Variants in ADGRB2 observed in about 807,000 individuals in gnomAD.
The protein encoded by ADGRB2 is brain-specific angiogenesis inhibitor 2.
Under a neutral mutation model 178.7 loss-of-function variants are expected in ADGRB2, and 47 were observed. The ratio of observed to expected loss-of-function variants is 0.26; its 90% confidence interval spans 0.21 to 0.34. The LOEUF is 0.34. Among genes scored for constraint, ADGRB2 ranks in the 10% least tolerant of loss-of-function variants. The probability of loss-of-function intolerance (pLI) is 1.00; values close to 1 mark genes in which losing one functional copy is unlikely to be tolerated. For missense variants in ADGRB2, 1,584 were observed against 2,180.8 expected, an observed-to-expected ratio of 0.73 and a Z score of 5.45; for synonymous variants, 870 against 912.4, an observed-to-expected ratio of 0.95 and a Z score of 0.84.
At position 31,756,216 on chromosome 1, in the gene ADGRB2, C is replaced by T; in HGVS notation, c.621G>A (p.Glu207=). 6.2e-7 allele frequency: 1 copy of T among 1,613,656 alleles called. No individual in the cohort carries two copies. The highest frequency in any genetic ancestry group is 8.5e-7 in the Non-Finnish European group (1 of 1,179,934). The change falls in exon 4 of 33, where the codon GAG becomes GAA. Residue 207 remains glutamate (E), a synonymous_variant. Transcript: ENST00000373658. The surrounding 1 kb of genome is among the most constrained non-coding windows in gnomAD (Gnocchi z 8.5). ...TCGVLCRWSE[E]CGRAAGRACG... ...AGGCCCTGCCGGCAGCGCGGCCACA[C>T]TCCTCACTCCAGCGGCAGAGCACAC...
In ADGRB2 at chr1:31,730,836, G is replaced by A. The variant is rs775240496; in HGVS notation, c.4344C>T (p.Thr1448=). The A allele has an allele frequency of 5.9e-6, 9 of 1,517,114 alleles. No homozygotes were observed. The highest frequency in any genetic ancestry group is 1.3e-5 in the South Asian group (1 of 75,650). The allele number at this position is 1,517,114 out of a possible 1,614,324, so 94.0% of individuals were successfully genotyped here. A position where few individuals can be genotyped will look rare whatever the true frequency, so the allele number is the denominator to read the frequency against. Residue 1448 remains threonine, a synonymous_variant, in exon 29 of 33, where the codon ACC becomes ACT. Coordinates refer to ENST00000373658, the MANE Select transcript of ADGRB2 (RefSeq NM_001364857.2). ...PGERSRTMPR[T]VPGSTMKMGS... ...CCATCTTCATGGTAGAGCCGGGCAC[G>A]GTGCGAGGCATGGTCCGGCTGCGCT...
Position 31,755,813 on chromosome 1 carries a change from G to A in ADGRB2, c.838+186C>T, listed in dbSNP as rs1354607471. ...GTGCCCCCATTCATCTAGCCAGTCTGCAAACTCTTCAAGAGTGAGGTCTCA... is the reference window on the plus strand; with the variant it reads ...GTGCCCCCATTCATCTAGCCAGTCTACAAACTCTTCAAGAGTGAGGTCTCA... On this transcript the variant is annotated intron_variant, in intron 4 of 32. Transcript: ENST00000373658. The surrounding 1 kb of genome is among the most constrained non-coding windows in gnomAD (Gnocchi z 5.1). Among the ~76,000 whole-genome samples the A allele has an allele frequency of 1.3e-5, 2 of 151,998 alleles. No homozygotes were observed. The highest frequency in any genetic ancestry group is 2.9e-5 in the Non-Finnish European group (2 of 67,990).
In ADGRB2 at chr1:31,764,186, G is replaced by T. The variant is rs1389102637; in HGVS notation, c.-493C>A. On this transcript the variant is annotated 5_prime_UTR_variant, in exon 1 of 33. Transcript: ENST00000373658. The surrounding 1 kb of genome is among the most constrained non-coding windows in gnomAD (Gnocchi z 7.3). ...CCCCGCCCCGAGCACCGCCCGCGCC[G>T]CGCGCCGCCTCCTATTTGCGGGCGG... 1.8e-5 allele frequency: 7 copies of T among 387,846 alleles called. No individual in the cohort carries two copies. The South Asian group carries it at 5.2e-4, about 29-fold the overall frequency. The allele number at this position is 387,846 out of a possible 1,614,324, so 24.0% of individuals were successfully genotyped here.
chr1:31,731,466 A>C lies in ADGRB2; in HGVS notation c.3761-47T>G, dbSNP rs766352348. 9.2e-6 allele frequency: 14 copies of C among 1,525,712 alleles called. No individual in the cohort carries two copies. The South Asian group carries it at 1.7e-4, about 18-fold the overall frequency. 94.5% of individuals were successfully genotyped at this position (1,525,712 alleles called of 1,614,324 possible). On this transcript the variant is annotated intron_variant, in intron 28 of 32. Transcript: ENST00000373658. The stretch of plus-strand genomic sequence containing the variant: ...AGGGGGTGAGTCCTGAGGAGAAGGA[A>C]CCTCCAGATGCCATTGCCCAGGCTG...
At position 31,735,841 on chromosome 1, in the gene ADGRB2, C is replaced by T; in HGVS notation, c.3253G>A (p.Ala1085Thr). The change falls in exon 23 of 33, where the codon GCC becomes ACC. Residue 1085 changes from alanine to threonine, a missense_variant. Physicochemically the swap from Ala to Thr is moderately conservative, Grantham distance 58. This residue lies in a region of ADGRB2 where 865 missense variants were observed against 1,192.8 expected (regional missense o/e 0.73). Coordinates refer to ENST00000373658, the MANE Select transcript of ADGRB2 (RefSeq NM_001364857.2). The surrounding 1 kb of genome is among the most constrained non-coding windows in gnomAD (Gnocchi z 6.0). Reference sequence around the variant, plus strand: ...CGGGCACATACCAGGACAATGACGGCTGCAGGGCCCACAAAGGCGTAGAGC... The same window carrying T: ...CGGGCACATACCAGGACAATGACGGTTGCAGGGCCCACAAAGGCGTAGAGC... The part of the protein sequence containing the change: ...GLLYAFVGPA[A>T]VIVLVNMLIG... 1 of 1,609,482 alleles carries T rather than the reference C, an allele frequency of 6.2e-7. No homozygotes were observed. Among genetic ancestry groups the T allele is most frequent in the Non-Finnish European group, 8.5e-7 (1 of 1,177,688 alleles).
chr1:31,757,594 G>A, intron 1 of ADGRB2, 83 bp from the exon 2 acceptor site: 1 of 257,910 alleles, frequency 3.9e-6, no homozygotes, highest in Non-Finnish European at 7.5e-6. Flanking sequence ...GCTGGTGGGT[G>A]ACCCTCATGA....
At chr1:31,763,059 G>A (rs1376633396) in intron 1 of ADGRB2, among the ~76,000 whole-genome samples, 1 of 152,254 alleles carries the variant, frequency 6.6e-6, no homozygotes, top group Non-Finnish European at 1.5e-5. Context: ...GGGGCTGCGG[G>A]AGGGTGCGTC....
In ADGRB2 at chr1:31,761,008, C is replaced by G. The variant is rs1647026531; in HGVS notation, c.-191+2876G>C. On this transcript the variant is annotated intron_variant, in intron 1 of 32. Coordinates refer to ENST00000373658, the MANE Select transcript of ADGRB2 (RefSeq NM_001364857.2). This position sits in a 1 kb window ranked among gnomAD's most constrained non-coding sequence, Gnocchi z 4.2. Reference sequence around the variant, plus strand: ...ACTGGAAGGGGGACAAGGGGCAGCCCTCGGCCCCTGGGGGCGGTGCCGCGC... The same window carrying G: ...ACTGGAAGGGGGACAAGGGGCAGCCGTCGGCCCCTGGGGGCGGTGCCGCGC... 1 of 151,172 alleles carries G rather than the reference C, an allele frequency of 6.6e-6. No individual in the cohort carries two copies. The highest frequency in any genetic ancestry group is 2.4e-5 in the African/African-American group (1 of 41,132). 9.4% of individuals were successfully genotyped at this position (151,172 alleles called of 1,614,324 possible).
In ADGRB2 at chr1:31,741,746, T is replaced by C. The variant is rs747508763; in HGVS notation, c.1586-21A>G. On this transcript the variant is annotated intron_variant, in intron 9 of 32. Transcript: ENST00000373658. This position sits in a 1 kb window ranked among gnomAD's most constrained non-coding sequence, Gnocchi z 6.5. ...GAAGGCTGTGGGTGCAGGGGTAAGG[T>C]TCAGCTGGGTCCACACATGGGGCCC... 2 of 1,606,786 alleles carry C rather than the reference T, an allele frequency of 1.2e-6. No individual in the cohort carries two copies.
chr1:31,764,123 G>A lies in ADGRB2; in HGVS notation c.-430C>T, dbSNP rs865933282. 4,188 of 898,988 alleles carry A rather than the reference G, an allele frequency of 4.7e-3. 16 individuals are homozygous for A. Among genetic ancestry groups the A allele is most frequent in the East Asian group, 0.035 (286 of 8,114 alleles). 55.7% of individuals were successfully genotyped at this position (898,988 alleles called of 1,614,324 possible). ...GCGGGCTCCTGCCGCCGCCGCCGCC[G>A]CCGCCTCCTTGCCGCGCCGCCCCCC... On this transcript the variant is annotated 5_prime_UTR_variant, in exon 1 of 33. Coordinates refer to ENST00000373658, the MANE Select transcript of ADGRB2 (RefSeq NM_001364857.2). The surrounding 1 kb of genome is among the most constrained non-coding windows in gnomAD (Gnocchi z 7.3).
Position 31,757,456 on chromosome 1 carries a change from G to T in ADGRB2, c.-135C>A. The T allele has an allele frequency of 1.7e-6, 1 of 582,934 alleles. No individual in the cohort carries two copies. The highest frequency in any genetic ancestry group is 3.1e-6 in the Non-Finnish European group (1 of 325,138). The allele number at this position is 582,934 out of a possible 1,614,324, so 36.1% of individuals were successfully genotyped here. A position where few individuals can be genotyped will look rare whatever the true frequency, so the allele number is the denominator to read the frequency against. On this transcript the variant is annotated 5_prime_UTR_variant, in exon 2 of 33. Coordinates refer to ENST00000373658, the MANE Select transcript of ADGRB2 (RefSeq NM_001364857.2). ...AGGAACTGCGCACAACCTGAGCCAT[G>T]CCCACAGGAGGGCACTGTCAGTGTG...
chr1:31,748,166 T>C (rs947210366), intron 4 of ADGRB2, among the ~76,000 whole-genome samples: 6 of 152,154 alleles, frequency 3.9e-5, no homozygotes, highest in Non-Finnish European at 8.8e-5. Context: ...AGCCCCACAA[T>C]GTAACAGGAG....
In ADGRB2 at chr1:31,735,187, C is replaced by A; in HGVS notation, c.3448G>T (p.Ala1150Ser). ...CCCCCAGGGGGCACGACTAACATGG[C>A]GTTCCTGGCCGAGGCTGAGCTGAGC... Reference protein sequence around the residue: ...PLLSSASARNAMASLWSSCVV... With the variant: ...PLLSSASARNSMASLWSSCVV... The change falls in exon 25 of 33, where the codon GCC becomes TCC. Residue 1150 changes from alanine (A) to serine (S), a missense_variant. By Grantham distance (99) the Ala-to-Ser change is moderately conservative (BLOSUM62 1). This residue lies in a region of ADGRB2 where 865 missense variants were observed against 1,192.8 expected (regional missense o/e 0.73). Coordinates refer to ENST00000373658, the MANE Select transcript of ADGRB2 (RefSeq NM_001364857.2). This position sits in a 1 kb window ranked among gnomAD's most constrained non-coding sequence, Gnocchi z 6.0. The A allele has an allele frequency of 7.2e-7, 1 of 1,380,334 alleles. No individual in the cohort carries two copies. The highest frequency in any genetic ancestry group is 1.7e-5 in the South Asian group (1 of 60,392). 85.5% of individuals were successfully genotyped at this position (1,380,334 alleles called of 1,614,324 possible). A position where few individuals can be genotyped will look rare whatever the true frequency, so the allele number is the denominator to read the frequency against.
chr1:31,751,601 C>T (rs958088278), intron 4 of ADGRB2, among the ~76,000 whole-genome samples: 2 of 152,140 alleles, frequency 1.3e-5, no homozygotes. Flanking sequence ...AATAACGGCG[C>T]TTTGTTTTCA....
Position 31,740,273 on chromosome 1 carries a change from C to G in ADGRB2, c.1989+74G>C. ...ACACTTGCCGCCTCTACAGCAGACTCTGCCTAGGGGCCTGGCCTCCCGCTT... is the reference window on the plus strand; with the variant it reads ...ACACTTGCCGCCTCTACAGCAGACTGTGCCTAGGGGCCTGGCCTCCCGCTT... On this transcript the variant is annotated intron_variant, in intron 12 of 32. Coordinates refer to ENST00000373658, the MANE Select transcript of ADGRB2 (RefSeq NM_001364857.2). The surrounding 1 kb of genome is among the most constrained non-coding windows in gnomAD (Gnocchi z 5.9). 6.2e-7 allele frequency: 1 copy of G among 1,606,570 alleles called. No individual in the cohort carries two copies. The highest frequency in any genetic ancestry group is 1.7e-5 in the Admixed American group (1 of 59,366).
intron 1 of ADGRB2, among the ~76,000 whole-genome samples, chr1:31,762,218 GGAA>G (rs1647060474): frequency 6.6e-6 from 1 of 152,032 alleles, no homozygotes; most frequent in Non-Finnish European, 1.5e-5. Context: ...GAGGAGAGAG[GGAA>G]GAAGAGGGGA....
chr1:31,764,159 T>TCCC lies in ADGRB2; in HGVS notation c.-469_-467dup. On this transcript the variant is annotated 5_prime_UTR_variant, in exon 1 of 33. Coordinates refer to ENST00000373658, the MANE Select transcript of ADGRB2 (RefSeq NM_001364857.2). The surrounding 1 kb of genome is among the most constrained non-coding windows in gnomAD (Gnocchi z 7.3). ...GCCGCGCCGCCCCCCGCTCCCCCGCTCCCCCGCCCCGAGCACCGCCCGCGC... is the reference window on the plus strand; with the variant it reads ...GCCGCGCCGCCCCCCGCTCCCCCGCTCCCCCCCCGCCCCGAGCACCGCCCGCGC... The TCCC allele has an allele frequency of 1.6e-6, 1 of 610,102 alleles. No homozygotes were observed. The highest frequency in any genetic ancestry group is 7.4e-5 in the South Asian group (1 of 13,530). The allele number at this position is 610,102 out of a possible 1,614,324, so 37.8% of individuals were successfully genotyped here.
chr1:31,729,667 GTTGC>G (rs1030879241), intron 29 of ADGRB2, among the ~76,000 whole-genome samples: 3 of 152,170 alleles, frequency 2.0e-5, no homozygotes. Flanking sequence ...GCCCATCACG[GTTGC>G]CCACGCCCGA....
Position 31,741,238 on chromosome 1 carries a change from A to G in ADGRB2, c.1794+135T>C, listed in dbSNP as rs1426560312. ...ATGAGTAGGAGCTTGCCAGACAAGG[A>G]GAGGCACAGCCAGGCAGAAGTGGGC... On this transcript the variant is annotated intron_variant, in intron 11 of 32. Transcript: ENST00000373658. The surrounding 1 kb of genome is among the most constrained non-coding windows in gnomAD (Gnocchi z 6.5). The G allele has an allele frequency of 1.2e-6, 1 of 865,488 alleles. No individual in the cohort carries two copies. The allele number at this position is 865,488 out of a possible 1,614,324, so 53.6% of individuals were successfully genotyped here. A position where few individuals can be genotyped will look rare whatever the true frequency, so the allele number is the denominator to read the frequency against.
Sources: allele counts gnomAD v4.1 joint callset (sites outside exome capture counted in the v4.1 genomes callset), GRCh38; gene constraint gnomAD v4.1.1; regional missense constraint gnomAD v4.1.1; non-coding constraint Gnocchi (gnomAD v3.1); transcripts MANE v1.5; gene names NCBI Gene and HGNC (gene_info 2026-07-23, HGNC 2026-07-21).